Variants in TMEM50A observed in about 807,000 individuals in gnomAD.
TMEM50A encodes transmembrane protein 50A.
Under a neutral mutation model 23.9 loss-of-function variants are expected in TMEM50A, and 8 were observed. That is an observed-to-expected ratio of 0.33 (90% CI 0.20 to 0.60). The LOEUF is 0.60. Ranked by LOEUF, TMEM50A falls within the 20% of genes least tolerant of loss-of-function variation. The pLI, the probability that TMEM50A is intolerant of heterozygous loss-of-function variation, is 0.81. For missense variants in TMEM50A, 178 were observed against 192.7 expected (o/e 0.92, Z 0.45); for synonymous variants, 55 against 60.4 (o/e 0.91, Z 0.41).
intron 3 of TMEM50A, among the ~76,000 whole-genome samples, chr1:25,347,812 C>T (rs1230426336): frequency 6.6e-6 from 1 of 152,194 alleles, no homozygotes; most frequent in Non-Finnish European, 1.5e-5. Context: ...CTTTGAAGTT[C>T]AGCCAGTATG....
chr1:25,340,011 A>G (rs1645150677), intron 1 of TMEM50A, among the ~76,000 whole-genome samples: 1 of 152,120 alleles, frequency 6.6e-6, no homozygotes, highest in Non-Finnish European at 1.5e-5. Context: ...ATCTCGGCTC[A>G]CTGCAACTTT....
At chr1:25,354,377 C>G (rs1030178247) in intron 5 of TMEM50A, among the ~76,000 whole-genome samples, 6 of 152,094 alleles carry the variant, frequency 3.9e-5, no homozygotes, top group South Asian at 2.1e-4. Flanking sequence ...CTTCAGGAGG[C>G]CAAGGAGGGA....
intron 5 of TMEM50A, among the ~76,000 whole-genome samples, chr1:25,354,216 C>G (rs960224314): frequency 1.3e-5 from 2 of 152,126 alleles, no homozygotes; most frequent in African/African-American, 4.8e-5. Flanking sequence ...TCTCAAACTC[C>G]TGGGCTCAAG....
intron 5 of TMEM50A, among the ~76,000 whole-genome samples, chr1:25,355,949 A>C (rs909861721): frequency 6.6e-6 from 1 of 152,178 alleles, no homozygotes; most frequent in Non-Finnish European, 1.5e-5. Flanking sequence ...CCCCATATCC[A>C]ATCTATCTGC....
In TMEM50A at chr1:25,361,369, A is replaced by G. The variant is rs1304750175; in HGVS notation, c.*664A>G. 6.6e-6 allele frequency: 1 copy of G among 152,268 alleles called. No individual in the cohort carries two copies. The highest frequency in any genetic ancestry group is 2.4e-5 in the African/African-American group (1 of 41,420). The allele number at this position is 152,268 out of a possible 1,614,324, so 9.4% of individuals were successfully genotyped here. On this transcript the variant is annotated 3_prime_UTR_variant, in exon 7 of 7. Transcript: ENST00000374358. ...CAGGAAGATGTGACTCAGCCATGAC[A>G]CGTGGTTCTGGTGGGATGCACAGTC...
Position 25,362,292 on chromosome 1 carries a change from A to C in TMEM50A, c.*1587A>C, listed in dbSNP as rs904446984. The C allele has an allele frequency of 4.3e-6, 4 of 919,864 alleles. No individual in the cohort carries two copies. The African/African-American group carries it at 6.7e-5, about 16-fold the overall frequency. The allele number at this position is 919,864 out of a possible 1,614,324, so 57.0% of individuals were successfully genotyped here. A position where few individuals can be genotyped will look rare whatever the true frequency, so the allele number is the denominator to read the frequency against. On this transcript the variant is annotated 3_prime_UTR_variant, in exon 7 of 7. Transcript: ENST00000374358. ...TTAATAATGTGTCTGTAACCAAGAA[A>C]ATATTGATAGCATCATCCTAATGAA...
At position 25,342,844 on chromosome 1, in the gene TMEM50A, A is replaced by G. The variant is rs1645180027; in HGVS notation, c.94-117A>G. The stretch of plus-strand genomic sequence containing the variant: ...GGCCATGTGCAAATTACATGTGGGA[A>G]AAAGCTAGAACATTTTTGAAATGTA... On this transcript the variant is annotated intron_variant, in intron 2 of 6. Coordinates refer to ENST00000374358, the MANE Select transcript of TMEM50A (RefSeq NM_014313.4). The G allele has an allele frequency of 1.3e-5, 9 of 715,584 alleles. No homozygotes were observed. The East Asian group carries it at 2.6e-4, about 21-fold the overall frequency. 44.3% of individuals were successfully genotyped at this position (715,584 alleles called of 1,614,324 possible). A position where few individuals can be genotyped will look rare whatever the true frequency, so the allele number is the denominator to read the frequency against.
In TMEM50A at chr1:25,362,126, A is replaced by G. The variant is rs529921264; in HGVS notation, c.*1421A>G. 73 of 333,234 alleles carry G rather than the reference A, an allele frequency of 2.2e-4. No individual in the cohort carries two copies. The highest frequency in any genetic ancestry group is 1.5e-3 in the African/African-American group (70 of 46,516). 20.6% of individuals were successfully genotyped at this position (333,234 alleles called of 1,614,324 possible). ...GCTGGGAGAAAAGCATGATTCCCAC[A>G]AGGACTAAGTATCAGTGATTTGTAA... On this transcript the variant is annotated 3_prime_UTR_variant, in exon 7 of 7. Coordinates refer to ENST00000374358, the MANE Select transcript of TMEM50A (RefSeq NM_014313.4).
rs369073229 is a variant in TMEM50A, at chr1:25,360,731, C to A, written c.*26C>A. 1 of 1,613,688 alleles carries A rather than the reference C, an allele frequency of 6.2e-7. No individual in the cohort carries two copies. The highest frequency in any genetic ancestry group is 2.2e-5 in the East Asian group (1 of 44,868). On this transcript the variant is annotated 3_prime_UTR_variant, in exon 7 of 7. Transcript: ENST00000374358. ...ACACATCTGATTTCCCACAGCACAA[C>A]AGCCCTGCATGGGTTTGTTTGTTTT...
At chr1:25,345,120 CTTTTTTTTTT>C (rs775789415) in intron 3 of TMEM50A, among the ~76,000 whole-genome samples, 8 of 117,466 alleles carry the variant, frequency 6.8e-5, no homozygotes, top group South Asian at 2.7e-4. Flanking sequence ...ACCACATCTT[CTTTTTTTTTT>C]TTTTTTTTTT....
chr1:25,348,470 A>G (rs1645242158), intron 3 of TMEM50A, among the ~76,000 whole-genome samples: 2 of 152,136 alleles, frequency 1.3e-5, no homozygotes, highest in African/African-American at 4.8e-5. Flanking sequence ...AAGGATCTCG[A>G]GGTCAGGAGA....
chr1:25,352,631 G>A (rs1015909027), intron 4 of TMEM50A, among the ~76,000 whole-genome samples: 2 of 152,066 alleles, frequency 1.3e-5, no homozygotes, highest in Admixed American at 6.6e-5. Context: ...AGTGTAGGCA[G>A]TTGGGGAAAG....
intron 4 of TMEM50A, 85 bp downstream of exon 4, chr1:25,351,778 GT>G: frequency 1.7e-6 from 2 of 1,187,524 alleles, no homozygotes. Flanking sequence ...TTTTCTATTT[GT>G]TTTAATATAT....
At chr1:25,343,204 C>A in intron 3 of TMEM50A, 131 bp downstream of exon 3, 1 of 663,744 alleles carries the variant, frequency 1.5e-6, no homozygotes, top group Non-Finnish European at 2.5e-6. Flanking sequence ...AAAAGTCACA[C>A]AGTAGAGATG....
At chr1:25,348,295 T>G (rs1260609509) in intron 3 of TMEM50A, among the ~76,000 whole-genome samples, 4 of 152,246 alleles carry the variant, frequency 2.6e-5, no homozygotes, top group Non-Finnish European at 5.9e-5. Context: ...CATTAATGAC[T>G]TTATTATTTT....
At chr1:25,360,465 A>T (rs1645388094) in intron 6 of TMEM50A, among the ~76,000 whole-genome samples, 195 bp from the exon 7 acceptor site, 1 of 152,234 alleles carries the variant, frequency 6.6e-6, no homozygotes, top group Non-Finnish European at 1.5e-5. Context: ...TATGGTGGTT[A>T]ATAGCACAGT....
chr1:25,356,694 A>G, intron 5 of TMEM50A, 99 bp from the exon 6 acceptor site: 1 of 884,872 alleles, frequency 1.1e-6, no homozygotes, highest in South Asian at 1.6e-5. Context: ...TTCTAAGAAA[A>G]ATCAATTCTT....
intron 5 of TMEM50A, among the ~76,000 whole-genome samples, chr1:25,355,077 T>G (rs2124259089): frequency 6.6e-6 from 1 of 152,290 alleles, no homozygotes; most frequent in African/African-American, 2.4e-5. Context: ...CAGCCATCTA[T>G]ATATTTTAAA....
chr1:25,340,138 G>A (rs893435179), intron 1 of TMEM50A, among the ~76,000 whole-genome samples: 5 of 152,020 alleles, frequency 3.3e-5, no homozygotes, highest in Admixed American at 6.6e-5. Context: ...GGTTTGCCAT[G>A]TTGGCCAGGC....
Sources: gnomAD v4.1 joint callset for allele counts (sites outside exome capture counted in the v4.1 genomes callset) on GRCh38, gnomAD v4.1.1 for gene constraint, MANE v1.5 for transcripts, NCBI Gene and HGNC (gene_info 2026-07-23, HGNC 2026-07-21) for gene names.